Variants in TMEM114 observed in about 807,000 individuals in gnomAD.
TMEM114 encodes transmembrane protein 114, also known as claudin-26.
Under a neutral mutation model 6.2 loss-of-function variants are expected in TMEM114, and 6 were observed. The ratio of observed to expected loss-of-function variants is 0.97; its 90% CI spans 0.53 to 1.91. The LOEUF is 1.91. Among genes scored for constraint, TMEM114 ranks in the 40% most tolerant of loss-of-function variants. The probability of loss-of-function intolerance (pLI) is 0.01; values close to 1 mark genes in which losing one functional copy is unlikely to be tolerated. For missense variants in TMEM114, 218 were observed against 158.3 expected (o/e 1.38, Z -2.02); for synonymous variants, 104 against 73.0 (o/e 1.42, Z -2.16).
At chr16:8,528,504 T>C in the TMEM114 span, among the ~76,000 whole-genome samples, 1 of 151,916 alleles carries the variant, frequency 6.6e-6, no homozygotes, top group Non-Finnish European at 1.5e-5. Flanking sequence ...AGGGGGAGCA[T>C]CTCCTGGAAG....
At chr16:8,544,457 G>A (rs1438617383) in intron 2 of TMEM114, among the ~76,000 whole-genome samples, 2 of 152,136 alleles carry the variant, frequency 1.3e-5, no homozygotes, top group Admixed American at 6.6e-5. Flanking sequence ...GGATATGTAG[G>A]GGTTCACCAG....
Position 8,570,719 on chromosome 16 carries a change from C to T in TMEM114, c.440-714G>A, listed in dbSNP as rs1163722321. Among the ~76,000 whole-genome samples, 10 of 152,250 alleles carry T rather than the reference C, an allele frequency of 6.6e-5. No individual in the cohort carries two copies. The East Asian group carries it at 1.5e-3, about 24-fold the overall frequency. On this transcript the variant is annotated intron_variant, in intron 3 of 3. Transcript: ENST00000620492. ...TTGCTCATTTTCAATTCCCCAGCAC[C>T]GAGAACGGTGCCTGGCCCACGGTGG...
intron 2 of TMEM114, among the ~76,000 whole-genome samples, chr16:8,558,374 G>T (rs1419353067): frequency 6.6e-6 from 1 of 152,128 alleles, no homozygotes; most frequent in Non-Finnish European, 1.5e-5. Context: ...GTGCATCTTG[G>T]CTTGTGGCAG....
downstream of TMEM114, among the ~76,000 whole-genome samples, chr16:8,567,995 T>A (rs1285681376): frequency 6.6e-6 from 1 of 152,180 alleles, no homozygotes; most frequent in Non-Finnish European, 1.5e-5. Context: ...AGCAACGTCC[T>A]GAAAGGAGCA....
downstream of TMEM114, among the ~76,000 whole-genome samples, chr16:8,533,038 C>T (rs991991819): frequency 9.9e-5 from 15 of 152,192 alleles, no homozygotes; most frequent in Non-Finnish European, 4.4e-5. Context: ...TGATGAACAA[C>T]ATAAATAAAG....
chr16:8,544,960 G>A (rs562620352), intron 2 of TMEM114, among the ~76,000 whole-genome samples: 4 of 147,268 alleles, frequency 2.7e-5, no homozygotes, highest in East Asian at 2.0e-4. Flanking sequence ...CCCCAACCCC[G>A]TAATATCTTA....
intron 2 of TMEM114, among the ~76,000 whole-genome samples, chr16:8,574,139 C>T (rs575731462): frequency 2.0e-5 from 3 of 152,224 alleles, no homozygotes; most frequent in African/African-American, 7.2e-5. Context: ...GACGTCAGAG[C>T]CGGATTATTT....
At chr16:8,560,382 C>T (rs971866628) in intron 2 of TMEM114, among the ~76,000 whole-genome samples, 4 of 152,042 alleles carry the variant, frequency 2.6e-5, no homozygotes, top group Non-Finnish European at 5.9e-5. Flanking sequence ...GGCATCCTCT[C>T]CTTGGACAGT....
the TMEM114 span, among the ~76,000 whole-genome samples, chr16:8,527,578 C>G: frequency 6.6e-6 from 1 of 152,134 alleles, no homozygotes; most frequent in African/African-American, 2.4e-5. Flanking sequence ...GTGTTTTTAG[C>G]CAGACTGCAT....
chr16:8,552,138 G>C (rs1467595079), intron 2 of TMEM114, among the ~76,000 whole-genome samples: 1 of 151,928 alleles, frequency 6.6e-6, no homozygotes, highest in African/African-American at 2.4e-5. Context: ...ACTTTGGGAG[G>C]CTGAAGCAAG....
the TMEM114 span, among the ~76,000 whole-genome samples, chr16:8,529,359 T>C: frequency 0.75 from 113,422 of 152,198 alleles, 42,471 homozygotes; most frequent in African/African-American, 0.77. Flanking sequence ...ACCTCTCTCA[T>C]GTGCAGTTAA....
intron 2 of TMEM114, among the ~76,000 whole-genome samples, chr16:8,539,089 T>C (rs1900443953): frequency 6.6e-6 from 1 of 152,184 alleles, no homozygotes; most frequent in African/African-American, 2.4e-5. Flanking sequence ...CGATTTTTTT[T>C]AGTTACTTCC....
At position 8,579,988 on chromosome 16, in the gene TMEM114, G is replaced by A. The variant is rs560288066; in HGVS notation, c.302-7764C>T. Among the ~76,000 whole-genome samples the A allele has an allele frequency of 3.3e-5, 5 of 152,204 alleles. No individual in the cohort carries two copies. The South Asian group carries it at 1.0e-3, about 32-fold the overall frequency. On this transcript the variant is annotated intron_variant, in intron 2 of 3. Coordinates refer to ENST00000620492, the MANE Select transcript of TMEM114 (RefSeq NM_001146336.2). The stretch of plus-strand genomic sequence containing the variant: ...AGGCGTTAACTGGGCTGAGAAGTAG[G>A]AGAGGGATTCCCAAAAGTGGGGACA...
intron 2 of TMEM114, among the ~76,000 whole-genome samples, chr16:8,538,632 C>G (rs58150301): frequency 0.033 from 5,063 of 152,076 alleles, 285 homozygotes; most frequent in African/African-American, 0.12. Context: ...CTCAGCCTCC[C>G]CAGCAGCTGC....
intron 2 of TMEM114, among the ~76,000 whole-genome samples, chr16:8,552,155 A>G (rs1900864701): frequency 6.6e-6 from 1 of 151,832 alleles, no homozygotes; most frequent in African/African-American, 2.4e-5. Flanking sequence ...CAAGAGGATC[A>G]CTTGAAGCCA....
rs1901342567 is a variant in TMEM114 at position 8,563,185 on chromosome 16, A to ACGAG, written n.213-25360_213-25359insCTCG. 2.0e-5 allele frequency among the ~76,000 whole-genome samples: 3 copies of ACGAG among 148,254 alleles called. No homozygotes were observed. The East Asian group carries it at 5.9e-4, about 29-fold the overall frequency. Reference sequence around the variant, plus strand: ...AGTGAGTGAGTAAATGAGTGAGTGAATGAGTGAATGAATGAGTGAATGAGT... The same window carrying ACGAG: ...AGTGAGTGAGTAAATGAGTGAGTGAACGAGTGAGTGAATGAATGAGTGAATGAGT... On this transcript the variant is annotated intron_variant and non_coding_transcript_variant, in intron 2 of 2. Coordinates refer to the TMEM114 transcript ENST00000623677.
chr16:8,581,983 C>T (rs1296542909), intron 2 of TMEM114, among the ~76,000 whole-genome samples: 3 of 152,196 alleles, frequency 2.0e-5, no homozygotes, highest in African/African-American at 7.2e-5. Context: ...TTTATGTCCC[C>T]ATCCTTGCTC....
chr16:8,555,180 T>G (rs1900968659), intron 2 of TMEM114, among the ~76,000 whole-genome samples: 1 of 152,240 alleles, frequency 6.6e-6, no homozygotes, highest in Non-Finnish European at 1.5e-5. Context: ...GCTGACTTTC[T>G]GAGCACCTCA....
At chr16:8,582,788 G>A (rs927712552) in intron 2 of TMEM114, among the ~76,000 whole-genome samples, 1 of 152,222 alleles carries the variant, frequency 6.6e-6, no homozygotes, top group African/African-American at 2.4e-5. Context: ...TACTCAGAAG[G>A]CTGAGGCAGG....
Sources: gnomAD v4.1 joint callset for allele counts (sites outside exome capture counted in the v4.1 genomes callset) on GRCh38, gnomAD v4.1.1 for gene constraint, MANE v1.5 for transcripts, NCBI Gene and HGNC (gene_info 2026-07-23, HGNC 2026-07-21) for gene names.